DMBT1: variants seen among roughly 807,000 people sequenced by gnomAD.
DMBT1 encodes scavenger receptor cysteine-rich domain-containing protein DMBT1.
In DMBT1, 198 loss-of-function variants were observed where a neutral mutation model predicts 252.9. That is an observed-to-expected ratio of 0.78 (90% CI 0.70 to 0.88). DMBT1 has a LOEUF of 0.88. Ranked by LOEUF, DMBT1 falls within the 40% of genes least tolerant of loss-of-function variation. The probability of loss-of-function intolerance (pLI) is 0.00; values close to 1 mark genes in which losing one functional copy is unlikely to be tolerated. For missense variants in DMBT1, 2,432 were observed against 2,404.7 expected (o/e 1.01, Z -0.24); for synonymous variants, 990 against 942.7 (o/e 1.05, Z -0.92).
At chr10:122,570,231 C>T (rs750699445) in intron 3 of DMBT1, 22 bp downstream of exon 3, 7 of 1,538,830 alleles carry the variant, frequency 4.5e-6, no homozygotes, top group South Asian at 1.1e-5. Flanking sequence ...TATGGGGGAA[C>T]CCTGTGGGCT....
chr10:122,585,981 G>A lies in DMBT1; in HGVS notation c.1460-79G>A, dbSNP rs149401684. 2.3e-3 allele frequency: 3,587 copies of A among 1,575,182 alleles called. 139 individuals are homozygous for A. In the African/African-American group the frequency reaches 0.041, roughly 18 times the overall value. ...CCCAGGTGACTTTAGCCATTAGGAC[G>A]TGCCTTGAGTGTGGAACATTCCTTA... On this transcript the variant is annotated intron_variant, in intron 15 of 55. Coordinates refer to ENST00000338354, the MANE Select transcript of DMBT1 (RefSeq NM_001377530.1).
At chr10:122,563,092 G>A (rs1040105587) in intron 1 of DMBT1, among the ~76,000 whole-genome samples, 9 of 152,316 alleles carry the variant, frequency 5.9e-5, no homozygotes, top group Non-Finnish European at 1.2e-4. Flanking sequence ...TGGAAGTACC[G>A]AGGTGGCAGG....
chr10:122,618,316 G>T lies in DMBT1; in HGVS notation c.5191G>T (p.Glu1731Ter). The T allele has an allele frequency of 6.2e-7, 1 of 1,613,858 alleles. No individual in the cohort carries two copies. Among genetic ancestry groups the T allele is most frequent in the Non-Finnish European group, 8.5e-7 (1 of 1,179,782 alleles). Reference sequence around the variant, plus strand: ...GCTCTCCCACAACTGTGGCCATCATGAAGATGCTGGTGTCATCTGCTCAGG... The same window carrying T: ...GCTCTCCCACAACTGTGGCCATCATTAAGATGCTGGTGTCATCTGCTCAGG... Reference protein sequence around the residue: ...GWLSHNCGHHEDAGVICSAAQ... With the variant: ...GWLSHNCGHH Residue 1731 changes from glutamate to a stop codon, truncating the protein, a stop_gained, in exon 41 of 56, where the codon GAA (glutamate) becomes TAA (stop). Coordinates refer to ENST00000338354, the MANE Select transcript of DMBT1 (RefSeq NM_001377530.1). LOFTEE classifies it high-confidence loss of function.
Position 122,617,220 on chromosome 10 carries a change from A to G in DMBT1, c.4859-8A>G. On this transcript the variant is annotated splice_polypyrimidine_tract_variant and splice_region_variant and intron_variant, in intron 39 of 55. Transcript: ENST00000338354. ...AATTCTGTCTTTTTTCTTTGTTGCT[A>G]TTTACAGACACTTGGCCAACCTCTC... The G allele has an allele frequency of 1.2e-6, 2 of 1,609,014 alleles. No individual in the cohort carries two copies. The highest frequency in any genetic ancestry group is 8.5e-7 in the Non-Finnish European group (1 of 1,178,572).
At position 122,621,300 on chromosome 10, in the gene DMBT1, C is replaced by T. The variant is rs1479826477; in HGVS notation, c.5528C>T (p.Ser1843Phe). The T allele has an allele frequency of 1.2e-6, 2 of 1,613,826 alleles. No homozygotes were observed. The highest frequency in any genetic ancestry group is 1.7e-6 in the Non-Finnish European group (2 of 1,179,754). Residue 1843 changes from serine to phenylalanine, a missense_variant, in exon 44 of 56, where the codon TCC becomes TTC. Physicochemically the swap from Ser to Phe is radical, Grantham distance 155. Coordinates refer to ENST00000338354, the MANE Select transcript of DMBT1 (RefSeq NM_001377530.1). Reference protein sequence around the residue: ...LDDVRCSGNESYLWSCPHKGW... With the variant: ...LDDVRCSGNEFYLWSCPHKGW... ...GATGTGCGCTGCTCAGGGAATGAGT[C>T]CTACCTGTGGAGCTGCCCCCACAAA...
In DMBT1 at chr10:122,592,290, C is replaced by A. The variant is rs1461212861; in HGVS notation, c.2195C>A (p.Thr732Asn). The change falls in exon 20 of 56, where the codon ACC (threonine) becomes AAC (asparagine). Residue 732 changes from threonine to asparagine, a missense_variant. By Grantham distance (65) the Thr-to-Asn change is moderately conservative (BLOSUM62 0). This residue lies in a region of DMBT1 where 1,264 missense variants were observed against 1,082.2 expected (regional missense o/e 1.17). Transcript: ENST00000338354. Reference protein sequence around the residue: ...PSTVGSESSLTLRLVNGSDRC... With the variant: ...PSTVGSESSLNLRLVNGSDRC... ...CCTGTAGGATCTGAATCCAGTTTGA[C>A]CCTGAGGCTGGTGAATGGAAGTGAC... 1.9e-6 allele frequency: 3 copies of A among 1,587,112 alleles called. No individual in the cohort carries two copies. The highest frequency in any genetic ancestry group is 2.3e-5 in the East Asian group (1 of 42,750).
chr10:122,586,479 CT>C, intron 16 of DMBT1, 96 bp downstream of exon 16: 1 of 1,505,746 alleles, frequency 6.6e-7, no homozygotes, highest in Non-Finnish European at 8.9e-7. Flanking sequence ...GCTTTTTCAA[CT>C]TTTCCTATAT....
rs1405817059 is a variant in DMBT1, at chr10:122,598,032, C to T, written c.2956+20C>T. Reference sequence around the variant, plus strand: ...CAGTAGGTAAATATTCCTCTCGCCCCTCCCTAGGGCTCACTCTCTACCTCT... The same window carrying T: ...CAGTAGGTAAATATTCCTCTCGCCCTTCCCTAGGGCTCACTCTCTACCTCT... On this transcript the variant is annotated intron_variant, in intron 25 of 55. Transcript: ENST00000338354. The T allele has an allele frequency of 1.9e-6, 3 of 1,613,742 alleles. No individual in the cohort carries two copies. The highest frequency in any genetic ancestry group is 1.7e-5 in the Admixed American group (1 of 59,996).
chr10:122,631,201 C>T lies in DMBT1; in HGVS notation c.6266C>T (p.Ser2089Phe). 2 of 1,614,022 alleles carry T rather than the reference C, an allele frequency of 1.2e-6. No individual in the cohort carries two copies. The highest frequency in any genetic ancestry group is 1.7e-6 in the Non-Finnish European group (2 of 1,179,896). The change falls in exon 49 of 56, where the codon TCC becomes TTC. Residue 2089 changes from serine to phenylalanine, a missense_variant. Around this residue, in one of 3 missense-constraint regions of DMBT1, gnomAD observed 1,162 missense variants for 1,169.0 expected, o/e 0.99. Transcript: ENST00000338354. ...GATGTAGAGTGCTCAGGGACGGAAT[C>T]CACTCTCTGGCAGTGCCGGAACCGA... ...LDDVECSGTE[S>F]TLWQCRNRGW... is the part of the protein sequence containing the mutation.
intron 1 of DMBT1, among the ~76,000 whole-genome samples, chr10:122,564,834 A>G (rs1448507389): frequency 6.6e-6 from 1 of 152,210 alleles, no homozygotes; most frequent in Non-Finnish European, 1.5e-5. Flanking sequence ...CTGTTGTACA[A>G]TCAATTCTAC....
chr10:122,592,234 G>C, intron 19 of DMBT1, 38 bp from the exon 20 acceptor site: 1 of 1,581,142 alleles, frequency 6.3e-7, no homozygotes, highest in Non-Finnish European at 8.6e-7. Context: ...CTTACCTCAT[G>C]GTAGGGATGG....
At chr10:122,571,071 C>G in intron 4 of DMBT1, 134 bp downstream of exon 4, 1 of 1,106,106 alleles carries the variant, frequency 9.0e-7, no homozygotes, top group Non-Finnish European at 1.4e-6. Flanking sequence ...GTGTGGATAT[C>G]ACCTTGCTCT....
intron 2 of DMBT1, among the ~76,000 whole-genome samples, chr10:122,567,497 G>C (rs577512296): frequency 6.6e-5 from 10 of 152,088 alleles, no homozygotes; most frequent in Non-Finnish European, 1.5e-4. Flanking sequence ...CCTCCCTCTG[G>C]GAGGAAAAGC....
intron 24 of DMBT1, 44 bp from the exon 25 acceptor site, chr10:122,597,930 A>G: frequency 6.2e-7 from 1 of 1,613,552 alleles, no homozygotes; most frequent in East Asian, 2.2e-5. Flanking sequence ...GGAGATTTTC[A>G]CCATCAACTT....
At position 122,593,151 on chromosome 10, in the gene DMBT1, C is replaced by A. The variant is rs1385799699; in HGVS notation, c.2501-418C>A. On this transcript the variant is annotated intron_variant, in intron 20 of 55. Transcript: ENST00000338354. ...CTCTCAGAACGCTGCAGAGCACTGC[C>A]TTGCCCTGGGTCTGGTGTGGGGAGG... Among the ~76,000 whole-genome samples, 5 of 148,904 alleles carry A rather than the reference C, an allele frequency of 3.4e-5. 1 individual carries two copies. The highest frequency in any genetic ancestry group is 9.7e-5 in the African/African-American group (4 of 41,140).
intron 50 of DMBT1, among the ~76,000 whole-genome samples, chr10:122,632,358 C>T (rs908009559): frequency 6.6e-5 from 10 of 152,052 alleles, no homozygotes; most frequent in Admixed American, 6.6e-4. Flanking sequence ...TGTGCAGCCC[C>T]TTCAAGAGAT....
At chr10:122,633,756 T>C (rs1398655086) in intron 52 of DMBT1, among the ~76,000 whole-genome samples, 1 of 152,114 alleles carries the variant, frequency 6.6e-6, no homozygotes, top group Non-Finnish European at 1.5e-5. Context: ...GTGAAAATAT[T>C]TACAAAATGT....
chr10:122,599,306 C>A lies in DMBT1; in HGVS notation c.3280+209C>A, dbSNP rs142440598. Among the ~76,000 whole-genome samples, 90 of 152,150 alleles carry A rather than the reference C, an allele frequency of 5.9e-4. 2 individuals carry two copies. The highest frequency in any genetic ancestry group is 5.2e-3 in the Admixed American group (80 of 15,286). On this transcript the variant is annotated intron_variant, in intron 26 of 55. Transcript: ENST00000338354. ...GACAGGGGACCAAACTCAAACAACCCAGAGTTTTTCCCCTTCCTGAGGGAA... is the reference window on the plus strand; with the variant it reads ...GACAGGGGACCAAACTCAAACAACCAAGAGTTTTTCCCCTTCCTGAGGGAA...
intron 52 of DMBT1, among the ~76,000 whole-genome samples, chr10:122,634,429 C>CTTTCTTTCTTTTCT (rs60007646): frequency 3.6e-5 from 2 of 54,830 alleles, no homozygotes; most frequent in African/African-American, 1.7e-4. Flanking sequence ...CTCTCTCTCT[C>CTTTCTTTCTTTTCT]TTCTCTCTCT....
Sources: allele counts gnomAD v4.1 joint callset (sites outside exome capture counted in the v4.1 genomes callset), GRCh38; gene constraint gnomAD v4.1.1; regional missense constraint gnomAD v4.1.1; transcripts MANE v1.5; gene names NCBI Gene and HGNC (gene_info 2026-07-23, HGNC 2026-07-21).